Variants in CHD6 observed in about 807,000 individuals in gnomAD.
CHD6 encodes chromodomain helicase DNA binding protein 6.
Under a neutral mutation model 276.9 loss-of-function variants are expected in CHD6, and 50 were observed. The ratio of observed to expected loss-of-function variants is 0.18; its 90% CI spans 0.14 to 0.23. The LOEUF (loss-of-function observed/expected upper bound fraction) is 0.23. CHD6 is among the 10% of genes least tolerant of loss of function. The probability of loss-of-function intolerance (pLI) is 1.00; values close to 1 mark genes in which losing one functional copy is unlikely to be tolerated. For synonymous variants in CHD6, 1,173 were observed against 1,229.3 expected (o/e 0.95, Z 0.96); for missense variants, 2,564 against 3,365.8 (o/e 0.76, Z 5.89).
chr20:41,428,982 T>G (rs1392918755), intron 27 of CHD6, among the ~76,000 whole-genome samples: 1 of 152,212 alleles, frequency 6.6e-6, no homozygotes, highest in East Asian at 1.9e-4. Context: ...CAGTTCCTAA[T>G]TAAACTTTTG....
chr20:41,605,719 T>C (rs1057420697), intron 1 of CHD6, among the ~76,000 whole-genome samples: 2 of 152,196 alleles, frequency 1.3e-5, no homozygotes, highest in African/African-American at 2.4e-5. Flanking sequence ...AGACTTATTG[T>C]TTTAACTAGT....
At chr20:41,545,238 T>A (rs1350577305) in intron 2 of CHD6, among the ~76,000 whole-genome samples, 1 of 152,232 alleles carries the variant, frequency 6.6e-6, no homozygotes, top group Non-Finnish European at 1.5e-5. Context: ...CCTAGCTTCA[T>A]CCACAGCTCA....
chr20:41,505,060 G>C (rs946624107), intron 5 of CHD6, among the ~76,000 whole-genome samples: 5 of 152,080 alleles, frequency 3.3e-5, no homozygotes, highest in Admixed American at 6.5e-5. Flanking sequence ...ACTGTTTTTG[G>C]AACATGAGTA....
chr20:41,547,514 G>C, intron 2 of CHD6: 1 of 423,740 alleles, frequency 2.4e-6, no homozygotes, highest in Non-Finnish European at 4.6e-6. Flanking sequence ...TGGCTCCCAG[G>C]ATAAGACCCC....
chr20:41,477,351 A>C (rs2145801413), intron 16 of CHD6, among the ~76,000 whole-genome samples: 1 of 152,322 alleles, frequency 6.6e-6, no homozygotes, highest in East Asian at 1.9e-4. Context: ...ACATTTATCC[A>C]GTATACATAA....
Position 41,425,257 on chromosome 20 carries a change from T to G in CHD6, c.4267A>C (p.Asn1423His). ...TCTTCCTGAACCCAATATCCTTGGT[T>G]ACCTGGTCCCAGAATTTCAGGCCGG... ...LCRPEILGPG[N>H]QGYWVQEEMF... The change falls in exon 29 of 37, where the codon AAC becomes CAC. Residue 1423 changes from asparagine (N) to histidine (H), a missense_variant. Transcript: ENST00000373233. The G allele has an allele frequency of 6.2e-7, 1 of 1,614,196 alleles. No individual in the cohort carries two copies. Among genetic ancestry groups the G allele is most frequent in the Non-Finnish European group, 8.5e-7 (1 of 1,180,030 alleles).
intron 1 of CHD6, among the ~76,000 whole-genome samples, chr20:41,552,414 T>C (rs1477419601): frequency 1.3e-5 from 2 of 152,214 alleles, no homozygotes; most frequent in African/African-American, 4.8e-5. Flanking sequence ...AGCTTTAAGA[T>C]TAAAGTGAGA....
intron 1 of CHD6, among the ~76,000 whole-genome samples, chr20:41,563,760 A>C (rs1219172331): frequency 6.6e-6 from 1 of 152,148 alleles, no homozygotes; most frequent in Non-Finnish European, 1.5e-5. Context: ...GTTGGTCCCT[A>C]TGTCATAATG....
intron 1 of CHD6, among the ~76,000 whole-genome samples, chr20:41,555,844 C>T (rs1169940908): frequency 1.3e-5 from 2 of 152,100 alleles, no homozygotes; most frequent in Admixed American, 6.5e-5. Context: ...ACTTCCCAGA[C>T]GGGGTGGCGG....
At chr20:41,559,833 C>A (rs2045282494) in intron 1 of CHD6, among the ~76,000 whole-genome samples, 1 of 151,916 alleles carries the variant, frequency 6.6e-6, no homozygotes, top group African/African-American at 2.4e-5. Flanking sequence ...AAGAACCCCA[C>A]AACTCTTCCA....
intron 3 of CHD6, among the ~76,000 whole-genome samples, chr20:41,527,512 C>A (rs540593821): frequency 2.0e-5 from 3 of 152,272 alleles, no homozygotes; most frequent in Admixed American, 2.0e-4. Context: ...CAGACCTACT[C>A]CTCAGATACT....
At chr20:41,497,095 G>A in intron 8 of CHD6, 1 of 302,604 alleles carries the variant, frequency 3.3e-6, no homozygotes, top group Non-Finnish European at 6.3e-6. Flanking sequence ...AGGGAGCAGG[G>A]ACAAAAGAAT....
chr20:41,508,015 C>T (rs1182930509), intron 5 of CHD6, among the ~76,000 whole-genome samples: 1 of 152,164 alleles, frequency 6.6e-6, no homozygotes, highest in African/African-American at 2.4e-5. Flanking sequence ...ATAAACATAT[C>T]TGTCTTAGAA....
intron 28 of CHD6, 129 bp downstream of exon 28, chr20:41,425,964 G>A: frequency 1.3e-6 from 1 of 754,166 alleles, no homozygotes. Context: ...GGAGTTTGAT[G>A]ATGGTCAACT....
chr20:41,613,922 T>C (rs548466145), intron 1 of CHD6, among the ~76,000 whole-genome samples: 6 of 152,116 alleles, frequency 3.9e-5, no homozygotes, highest in African/African-American at 1.4e-4. Flanking sequence ...CTTAAACCTT[T>C]AGGTAGGAAG....
chr20:41,422,091 G>A lies in CHD6; in HGVS notation c.4556-12C>T. On this transcript the variant is annotated splice_polypyrimidine_tract_variant and intron_variant, in intron 30 of 36. Transcript: ENST00000373233. ...GGTATCTGGGGGACCTGGAGAGAAA[G>A]GGAAATAAAGCCTATCACTGAAGGT... 6.3e-7 allele frequency: 1 copy of A among 1,592,468 alleles called. No individual in the cohort carries two copies. The highest frequency in any genetic ancestry group is 8.6e-7 in the Non-Finnish European group (1 of 1,167,412).
chr20:41,435,947 T>C (rs2047695623), intron 27 of CHD6, among the ~76,000 whole-genome samples: 1 of 152,086 alleles, frequency 6.6e-6, no homozygotes, highest in South Asian at 2.1e-4. Context: ...AACTCAGAAA[T>C]AGAACCCACA....
Position 41,402,484 on chromosome 20 carries a change from C to T in CHD6, c.*2109G>A, listed in dbSNP as rs1296680523. On this transcript the variant is annotated 3_prime_UTR_variant, in exon 37 of 37. Coordinates refer to ENST00000373233, the MANE Select transcript of CHD6 (RefSeq NM_032221.5). ...CCTACCGGAGGTTATAAGTGGAACC[C>T]GGGGAAAGCAGCTTTTCCATACAAA... is the stretch of plus-strand genomic sequence containing the variant. 1.7e-5 allele frequency: 4 copies of T among 230,716 alleles called. No homozygotes were observed. The highest frequency in any genetic ancestry group is 4.4e-5 in the African/African-American group (2 of 45,182). The allele number at this position is 230,716 out of a possible 1,614,324, so 14.3% of individuals were successfully genotyped here. A position where few individuals can be genotyped will look rare whatever the true frequency, so the allele number is the denominator to read the frequency against.
At chr20:41,494,914 G>C (rs1222198986) in intron 8 of CHD6, among the ~76,000 whole-genome samples, 1 of 152,026 alleles carries the variant, frequency 6.6e-6, no homozygotes, top group Non-Finnish European at 1.5e-5. Flanking sequence ...TTTATCATTA[G>C]TAAATTATAA....
Sources: gnomAD v4.1 joint callset for allele counts (sites outside exome capture counted in the v4.1 genomes callset) on GRCh38, gnomAD v4.1.1 for gene constraint, MANE v1.5 for transcripts, NCBI Gene and HGNC (gene_info 2026-07-23, HGNC 2026-07-21) for gene names.